LOXL2: variants seen among roughly 807,000 people sequenced by gnomAD.
The protein encoded by LOXL2 is lysyl oxidase homolog 2.
In LOXL2, 70 loss-of-function variants were observed where a neutral mutation model predicts 93.0. The observed-to-expected ratio is 0.75, with a 90% confidence interval of 0.62 to 0.92. The LOEUF (loss-of-function observed/expected upper bound fraction) is 0.92, where lower values mean the gene tolerates loss of function less well. Among genes scored for constraint, LOXL2 ranks in the 40% least tolerant of loss-of-function variants. The pLI, the probability that LOXL2 is intolerant of heterozygous loss-of-function variation, is 0.00. For synonymous variants in LOXL2, 438 were observed against 413.2 expected (o/e 1.06, Z -0.73); for missense variants, 973 against 1,054.9 (o/e 0.92, Z 1.08).
chr8:23,378,833 C>A (rs1018894454), intron 1 of LOXL2, among the ~76,000 whole-genome samples: 1 of 152,180 alleles, frequency 6.6e-6, no homozygotes, highest in African/African-American at 2.4e-5. Context: ...TTCTAGTTAG[C>A]CATTCATCTA....
At chr8:23,367,811 C>A (rs1234672505) in intron 2 of LOXL2, among the ~76,000 whole-genome samples, 186 bp downstream of exon 2, 1 of 151,692 alleles carries the variant, frequency 6.6e-6, no homozygotes, top group East Asian at 1.9e-4. Context: ...CCTCAAGCCC[C>A]CCGACCCCGC....
chr8:23,375,932 T>C (rs1804580052), intron 1 of LOXL2, among the ~76,000 whole-genome samples: 1 of 152,130 alleles, frequency 6.6e-6, no homozygotes, highest in Non-Finnish European at 1.5e-5. Flanking sequence ...CCCTTTATTT[T>C]TTTCTCCTGC....
chr8:23,380,155 G>T (rs1000202591), intron 1 of LOXL2, among the ~76,000 whole-genome samples: 1 of 152,204 alleles, frequency 6.6e-6, no homozygotes, highest in Non-Finnish European at 1.5e-5. Flanking sequence ...AGCACTTTGG[G>T]AGGACAAGGC....
chr8:23,367,812 C>T (rs1804429113), intron 2 of LOXL2, among the ~76,000 whole-genome samples, 185 bp downstream of exon 2: 1 of 151,724 alleles, frequency 6.6e-6, no homozygotes, highest in Non-Finnish European at 1.5e-5. Flanking sequence ...CTCAAGCCCC[C>T]CGACCCCGCC....
chr8:23,361,296 C>T (rs562122877), intron 2 of LOXL2, among the ~76,000 whole-genome samples: 242 of 152,304 alleles, frequency 1.6e-3, no homozygotes, highest in African/African-American at 5.4e-3. Flanking sequence ...ACCCCTTGAA[C>T]CCAGAAGCCT....
chr8:23,372,869 G>A (rs1222522904), intron 1 of LOXL2, among the ~76,000 whole-genome samples: 2 of 152,172 alleles, frequency 1.3e-5, no homozygotes, highest in African/African-American at 4.8e-5. Flanking sequence ...AGATGTGAAT[G>A]ACATAATTAA....
At chr8:23,349,206 G>C (rs542904156) in intron 3 of LOXL2, among the ~76,000 whole-genome samples, 16 of 152,286 alleles carry the variant, frequency 1.1e-4, no homozygotes, top group African/African-American at 3.8e-4. Flanking sequence ...GCGTGATAAT[G>C]TCGTCATCTC....
chr8:23,306,825 C>A (rs1476498125), intron 10 of LOXL2, among the ~76,000 whole-genome samples: 1 of 152,250 alleles, frequency 6.6e-6, no homozygotes, highest in African/African-American at 2.4e-5. Context: ...CAGAGCGTGG[C>A]ACATCGTGCC....
At chr8:23,364,257 T>C (rs1804358220) in intron 2 of LOXL2, 1 of 152,144 alleles carries the variant, frequency 6.6e-6, no homozygotes, top group Non-Finnish European at 1.5e-5. Context: ...GTCTGCCTGC[T>C]GAAAAGCAGG....
intron 1 of LOXL2, among the ~76,000 whole-genome samples, chr8:23,390,713 T>C (rs1387084621): frequency 6.6e-6 from 1 of 152,138 alleles, no homozygotes; most frequent in Non-Finnish European, 1.5e-5. Context: ...CATTAGTCTA[T>C]AAGACACATC....
intron 1 of LOXL2, chr8:23,385,932 T>G: frequency 1.3e-6 from 1 of 765,298 alleles, no homozygotes; most frequent in Non-Finnish European, 2.4e-6. Context: ...CGCATCTCAA[T>G]TCCAAGCAGC....
At chr8:23,334,023 A>G (rs1490366916) in intron 4 of LOXL2, among the ~76,000 whole-genome samples, 2 of 152,230 alleles carry the variant, frequency 1.3e-5, no homozygotes, top group Admixed American at 6.5e-5. Context: ...AACTCTTCAG[A>G]TAATTCCAAC....
intron 3 of LOXL2, among the ~76,000 whole-genome samples, chr8:23,358,613 C>T (rs980609336): frequency 1.3e-5 from 2 of 152,192 alleles, no homozygotes; most frequent in East Asian, 3.8e-4. Flanking sequence ...CTGTCCTAAG[C>T]CCCACATATG....
At position 23,401,391 on chromosome 8, in the gene LOXL2, A is replaced by AT. The variant is rs60787487; in HGVS notation, c.-84+2562dup. Among the ~76,000 whole-genome samples, 1,420 of 150,642 alleles carry AT rather than the reference A, an allele frequency of 9.4e-3. 17 individuals are homozygous for AT. The highest frequency in any genetic ancestry group is 0.032 in the African/African-American group (1,299 of 41,210). ...TATTTGGCATTAGATGATACCAAAT[A>AT]TTTTTTTTTTAGTTTTCTTAGGTCT... On this transcript the variant is annotated intron_variant, in intron 1 of 13. Coordinates refer to ENST00000389131, the MANE Select transcript of LOXL2 (RefSeq NM_002318.3).
intron 1 of LOXL2, among the ~76,000 whole-genome samples, chr8:23,373,407 C>T (rs1804533923): frequency 6.6e-6 from 1 of 152,198 alleles, no homozygotes; most frequent in South Asian, 2.1e-4. Context: ...GTGATCATAG[C>T]TCACCGCAGC....
At chr8:23,380,780 A>G (rs1246307619) in intron 1 of LOXL2, among the ~76,000 whole-genome samples, 1 of 152,058 alleles carries the variant, frequency 6.6e-6, no homozygotes, top group Non-Finnish European at 1.5e-5. Flanking sequence ...TTGGGAGGCT[A>G]AGGTGGCCAA....
chr8:23,340,573 G>A (rs1803865742), intron 4 of LOXL2, among the ~76,000 whole-genome samples: 1 of 152,192 alleles, frequency 6.6e-6, no homozygotes, highest in Admixed American at 6.5e-5. Context: ...AGAATCATTT[G>A]CCAAGAGCAA....
intron 10 of LOXL2, among the ~76,000 whole-genome samples, chr8:23,308,015 G>C (rs944795831): frequency 6.7e-5 from 8 of 119,680 alleles, no homozygotes; most frequent in Non-Finnish European, 1.2e-4. Context: ...AGACAAAAAA[G>C]AAAGAGCATG....
At chr8:23,386,182 A>G in intron 1 of LOXL2, 1 of 621,274 alleles carries the variant, frequency 1.6e-6, no homozygotes, top group South Asian at 1.8e-5. Flanking sequence ...TGTTGAGGTC[A>G]GGAGTTCGAG....
Sources: gnomAD v4.1 joint callset for allele counts (sites outside exome capture counted in the v4.1 genomes callset) on GRCh38, gnomAD v4.1.1 for gene constraint, MANE v1.5 for transcripts, NCBI Gene and HGNC (gene_info 2026-07-23, HGNC 2026-07-21) for gene names.